Variants in AGBL1 observed in about 807,000 individuals in gnomAD.
AGBL1 encodes the protein AGBL carboxypeptidase 1, also known as cytosolic carboxypeptidase 4.
Under a neutral mutation model 118.9 loss-of-function variants are expected in AGBL1, and 130 were observed. That is an observed-to-expected ratio of 1.09 (90% CI 0.95 to 1.26). AGBL1 has a LOEUF of 1.26. AGBL1 is among the 50% of genes most tolerant of loss of function. The pLI, the probability that AGBL1 is intolerant of heterozygous loss-of-function variation, is 0.00. For missense variants in AGBL1, 1,584 were observed against 1,298.1 expected (o/e 1.22, Z -3.38); for synonymous variants, 555 against 478.9 (o/e 1.16, Z -2.08).
At chr15:86,238,324 A>G (rs953742978) in intron 6 of AGBL1, among the ~76,000 whole-genome samples, 7 of 152,212 alleles carry the variant, frequency 4.6e-5, no homozygotes, top group African/African-American at 1.4e-4. Context: ...AACAACTGGT[A>G]TATCGTAGTT....
chr15:86,514,234 C>CA (rs1023465303), intron 18 of AGBL1, among the ~76,000 whole-genome samples: 35 of 152,034 alleles, frequency 2.3e-4, no homozygotes, highest in African/African-American at 7.2e-4. Context: ...GATTTCAATA[C>CA]AAAATCACAG....
chr15:86,259,768 C>T (rs1469350857), intron 9 of AGBL1, among the ~76,000 whole-genome samples: 2 of 152,230 alleles, frequency 1.3e-5, no homozygotes, highest in African/African-American at 4.8e-5. Flanking sequence ...CTGCTGCAGT[C>T]ATTCATCAAT....
chr15:86,672,095 C>G (rs1409988871), intron 21 of AGBL1, among the ~76,000 whole-genome samples: 1 of 152,038 alleles, frequency 6.6e-6, no homozygotes, highest in East Asian at 1.9e-4. Flanking sequence ...AAACAACTCT[C>G]AAATATGTTT....
In AGBL1 at chr15:86,567,559, A is replaced by G. The variant is rs1048638378; in HGVS notation, c.2994+13022A>G. ...CCAAGATTGCTGAATTTAAAAGGCT[A>G]TTCTAATTATGAGCACAACTCAAAA... On this transcript the variant is annotated intron_variant, in intron 21 of 22. Coordinates refer to ENST00000614907, the MANE Select transcript of AGBL1 (RefSeq NM_001386094.1). 6.6e-5 allele frequency among the ~76,000 whole-genome samples: 10 copies of G among 152,362 alleles called. No individual in the cohort carries two copies. In the East Asian group the frequency reaches 1.2e-3, roughly 18 times the overall value.
intron 22 of AGBL1, among the ~76,000 whole-genome samples, chr15:86,677,828 AG>A (rs1418594552): frequency 2.6e-5 from 4 of 152,180 alleles, no homozygotes; most frequent in East Asian, 1.9e-4. Flanking sequence ...ATAATTAAAA[AG>A]GTGCTTGATT....
intron 22 of AGBL1, among the ~76,000 whole-genome samples, chr15:86,849,375 C>T (rs2079368333): frequency 6.6e-6 from 1 of 152,162 alleles, no homozygotes; most frequent in South Asian, 2.1e-4. Context: ...GTAGCCATTC[C>T]TTCTACTAGA....
At chr15:86,988,987 T>A (rs931757489) in intron 24 of AGBL1, among the ~76,000 whole-genome samples, 1 of 150,030 alleles carries the variant, frequency 6.7e-6, no homozygotes, top group African/African-American at 2.5e-5. Flanking sequence ...TCTGATTTTT[T>A]TCCCCCTGCT....
chr15:86,290,842 C>G (rs1441291268), intron 16 of AGBL1, among the ~76,000 whole-genome samples: 1 of 151,528 alleles, frequency 6.6e-6, no homozygotes, highest in African/African-American at 2.4e-5. Flanking sequence ...CCTCCCCCTT[C>G]CCCCGACCCC....
intron 21 of AGBL1, among the ~76,000 whole-genome samples, chr15:86,571,889 T>C (rs756777380): frequency 1.3e-5 from 2 of 152,126 alleles, no homozygotes; most frequent in Non-Finnish European, 2.9e-5. Flanking sequence ...CCCAGGAAAC[T>C]GCCTCCTGCC....
chr15:87,022,622 C>G (rs2081677440), intron 24 of AGBL1, among the ~76,000 whole-genome samples: 1 of 152,008 alleles, frequency 6.6e-6, no homozygotes, highest in Non-Finnish European at 1.5e-5. Context: ...GGAAATTCAT[C>G]ACAAAAAGAT....
rs16978052 is a variant in AGBL1, at chr15:86,868,705, T to A, written c.3159-38382T>A. On this transcript the variant is annotated intron_variant, in intron 22 of 22. Transcript: ENST00000614907. ...TTCATTAAAGAGAAAATCTTCATTC[T>A]GTGACTTCGCACTGTCTGGTTTATA... Among the ~76,000 whole-genome samples, 3,726 of 152,332 alleles carry A rather than the reference T, an allele frequency of 0.024. 351 individuals are homozygous for A. The East Asian group carries it at 0.31, about 13-fold the overall frequency.
chr15:86,946,084 A>G lies in AGBL1; in HGVS notation c.3222-41903A>G, dbSNP rs988681083. The G allele has an allele frequency of 2.0e-5, 3 of 152,246 alleles. No individual in the cohort carries two copies. In the East Asian group the frequency reaches 5.8e-4, roughly 29 times the overall value. The allele number at this position is 152,246 out of a possible 1,614,324, so 9.4% of individuals were successfully genotyped here. The stretch of plus-strand genomic sequence containing the variant: ...GATATTTTAAGGTGGGGTGAGAATT[A>G]TAACTCACATCTCCCAACTCTAAGT... On this transcript the variant is annotated intron_variant, in intron 23 of 24. Coordinates refer to the AGBL1 transcript ENST00000441037.
At chr15:86,445,743 T>C (rs547417321) in intron 18 of AGBL1, among the ~76,000 whole-genome samples, 1 of 152,296 alleles carries the variant, frequency 6.6e-6, no homozygotes, top group East Asian at 1.9e-4. Flanking sequence ...CAAGAGCCAG[T>C]TGAAACAAAT....
At chr15:86,104,166 A>G (rs1239382890) in intron 1 of AGBL1, among the ~76,000 whole-genome samples, 1 of 152,018 alleles carries the variant, frequency 6.6e-6, no homozygotes, top group Non-Finnish European at 1.5e-5. Context: ...AGGCTCCCAG[A>G]TAACACATTT....
chr15:86,262,686 A>G (rs1302237255), intron 9 of AGBL1, 92 bp from the exon 10 acceptor site: 2 of 867,264 alleles, frequency 2.3e-6, no homozygotes, highest in Admixed American at 2.0e-5. Flanking sequence ...ACCATGTCCT[A>G]AGATTCTGAA....
intron 5 of AGBL1, among the ~76,000 whole-genome samples, chr15:86,224,524 C>G (rs1286658773): frequency 6.6e-6 from 1 of 152,136 alleles, no homozygotes; most frequent in African/African-American, 2.4e-5. Flanking sequence ...AAGCCCCACT[C>G]CTTCCCAGAC....
At chr15:86,289,756 A>G (rs2079514751) in intron 16 of AGBL1, among the ~76,000 whole-genome samples, 1 of 152,070 alleles carries the variant, frequency 6.6e-6, no homozygotes, top group Non-Finnish European at 1.5e-5. Context: ...TTTCACTTAT[A>G]AGGACCTTTG....
At chr15:86,491,352 A>G (rs576370054) in intron 18 of AGBL1, among the ~76,000 whole-genome samples, 1 of 152,230 alleles carries the variant, frequency 6.6e-6, no homozygotes, top group Non-Finnish European at 1.5e-5. Context: ...GTGGCAGCCT[A>G]TGTGGCTGGA....
At chr15:86,730,653 ATTC>A (rs2077514537) in intron 22 of AGBL1, among the ~76,000 whole-genome samples, 1 of 152,098 alleles carries the variant, frequency 6.6e-6, no homozygotes, top group South Asian at 2.1e-4. Context: ...TGGACATGAA[ATTC>A]TTCATTTGTC....
Sources: gnomAD v4.1 joint callset for allele counts (sites outside exome capture counted in the v4.1 genomes callset) on GRCh38, gnomAD v4.1.1 for gene constraint, MANE v1.5 for transcripts, NCBI Gene and HGNC (gene_info 2026-07-23, HGNC 2026-07-21) for gene names.